ECE1: variants seen among roughly 807,000 people sequenced by gnomAD.
ECE1 encodes the protein endothelin-converting enzyme 1.
A neutral mutation model predicts 98.6 loss-of-function variants in ECE1; 35 were observed. The ratio of observed to expected loss-of-function variants is 0.35; its 90% CI spans 0.27 to 0.47. The LOEUF (loss-of-function observed/expected upper bound fraction) is 0.47, where lower values mean the gene tolerates loss of function less well. Ranked by LOEUF, ECE1 falls within the 20% of genes least tolerant of loss-of-function variation. ECE1 has a pLI of 1.00. For missense variants in ECE1, 814 were observed against 1,025.3 expected (o/e 0.79, Z 2.81); for synonymous variants, 394 against 407.1 (o/e 0.97, Z 0.39).
chr1:21,283,352 C>T (rs2098257136), intron 2 of ECE1, among the ~76,000 whole-genome samples: 1 of 151,720 alleles, frequency 6.6e-6, no homozygotes, highest in African/African-American at 2.4e-5. Flanking sequence ...TTCACTGCAA[C>T]CTCTGTCTCC....
intron 1 of ECE1, among the ~76,000 whole-genome samples, chr1:21,311,491 A>G: frequency 8.2e-6 from 1 of 122,148 alleles, no homozygotes; most frequent in African/African-American, 3.3e-5. Context: ...TGGGGAACAT[A>G]GTGAGACCCT....
At chr1:21,256,293 C>T (rs548830018) in intron 7 of ECE1, among the ~76,000 whole-genome samples, 155 bp from the exon 8 acceptor site, 3 of 152,204 alleles carry the variant, frequency 2.0e-5, no homozygotes, top group South Asian at 2.1e-4. Flanking sequence ...TGGTGGCTCA[C>T]GCCTGTAATC....
At chr1:21,328,859 G>A (rs1362639008) in intron 1 of ECE1, among the ~76,000 whole-genome samples, 1 of 151,986 alleles carries the variant, frequency 6.6e-6, no homozygotes, top group Non-Finnish European at 1.5e-5. Context: ...GGCTGCTGAG[G>A]GTCTGCTTTC....
At chr1:21,323,819 CTT>C (rs34050500) in intron 1 of ECE1, among the ~76,000 whole-genome samples, 15 of 133,830 alleles carry the variant, frequency 1.1e-4, no homozygotes, top group Admixed American at 1.5e-4. Flanking sequence ...AATTTTCTTT[CTT>C]TTTTTTTTTT....
intron 1 of ECE1, among the ~76,000 whole-genome samples, chr1:21,325,909 C>T (rs1639068871): frequency 6.6e-6 from 1 of 152,178 alleles, no homozygotes; most frequent in African/African-American, 2.4e-5. Context: ...GGCTGCTCTC[C>T]GAAGCTGCCG....
intron 4 of ECE1, among the ~76,000 whole-genome samples, chr1:21,263,325 C>T (rs1225052857): frequency 6.6e-6 from 1 of 151,908 alleles, no homozygotes; most frequent in African/African-American, 2.4e-5. Flanking sequence ...GGTGATGAGG[C>T]CGGATGCCCA....
At position 21,220,007 on chromosome 1, in the gene ECE1, C is replaced by T. The variant is rs374518508; in HGVS notation, c.2261G>A (p.Arg754His). The change falls in exon 19 of 19, where the codon CGC (arginine) becomes CAC (histidine). Residue 754 changes from arginine to histidine, a missense_variant. This residue lies in a region of ECE1 where 452 missense variants were observed against 567.3 expected (regional missense o/e 0.80). Transcript: ENST00000374893. This position sits in a 1 kb window ranked among gnomAD's most constrained non-coding sequence, Gnocchi z 5.0. Reference protein sequence around the residue: ...SNSKEFSEHFRCPPGSPMNPP... With the variant: ...SNSKEFSEHFHCPPGSPMNPP... ...GTTCATGGGTGAGCCAGGTGGGCAG[C>T]GGAAGTGTTCTGAGAACTCCTTGGA... The T allele has an allele frequency of 8.7e-6, 14 of 1,614,052 alleles. No individual in the cohort carries two copies. Among genetic ancestry groups the T allele is most frequent in the African/African-American group, 5.3e-5 (4 of 74,924 alleles).
rs772546036 is a variant in ECE1 at position 21,279,245 on chromosome 1, G to C, written c.226C>G (p.Leu76Val). Residue 76 changes from leucine to valine, a missense_variant, in exon 3 of 19, where the codon CTG becomes GTG. Around this residue, in one of 3 missense-constraint regions of ECE1, gnomAD observed 257 missense variants for 278.9 expected, o/e 0.92. Transcript: ENST00000374893. ...AAGCAGGCCACCAGTCCTGCCGCCA[G>C]AAGTACCACCAACACCACCAGCCGC... Reference protein sequence around the residue: ...EKRLVVLVVLLAAGLVACLAA... With the variant: ...EKRLVVLVVLVAAGLVACLAA... 3.1e-6 allele frequency: 5 copies of C among 1,614,210 alleles called. No homozygotes were observed. The Admixed American group carries it at 8.3e-5, about 27-fold the overall frequency.
At chr1:21,318,953 G>A (rs925367892) in intron 1 of ECE1, among the ~76,000 whole-genome samples, 3 of 152,224 alleles carry the variant, frequency 2.0e-5, no homozygotes, top group South Asian at 4.1e-4. Context: ...AAATGCTTCC[G>A]TAAACTCACC....
In ECE1 at chr1:21,234,547, C is replaced by T. The variant is rs147745427; in HGVS notation, c.1567-886G>A. Among the ~76,000 whole-genome samples, 857 of 151,994 alleles carry T rather than the reference C, an allele frequency of 5.6e-3. 6 individuals carry two copies. Among genetic ancestry groups the T allele is most frequent in the Non-Finnish European group, 9.2e-3 (625 of 67,986 alleles). ...ACGCTGGAGTGCAGTGGTGCAATCA[C>T]AGCTTGCTGCAGCCTTGTCTTCTTG... On this transcript the variant is annotated intron_variant, in intron 13 of 18. Coordinates refer to ENST00000374893, the MANE Select transcript of ECE1 (RefSeq NM_001397.3).
At chr1:21,276,399 G>A (rs1245063541) in intron 3 of ECE1, among the ~76,000 whole-genome samples, 2 of 152,160 alleles carry the variant, frequency 1.3e-5, no homozygotes, top group Non-Finnish European at 2.9e-5. Context: ...ACCTGCAGAG[G>A]CAGCAAACAT....
chr1:21,226,038 T>C (rs1404024852), intron 16 of ECE1, among the ~76,000 whole-genome samples: 2 of 152,094 alleles, frequency 1.3e-5, no homozygotes, highest in Non-Finnish European at 2.9e-5. Flanking sequence ...GAGTAACAGA[T>C]GCCTAGGAAG....
intron 1 of ECE1, among the ~76,000 whole-genome samples, chr1:21,333,699 T>A (rs1308918260): frequency 6.6e-6 from 1 of 152,122 alleles, no homozygotes; most frequent in Non-Finnish European, 1.5e-5. Flanking sequence ...CCAGGCATGG[T>A]GGCACCTGCC....
At position 21,256,256 on chromosome 1, in the gene ECE1, C is replaced by T. The variant is rs563193300; in HGVS notation, c.829-118G>A. ...CAGGGAGCCAGGGGGCTGCACAGTG[C>T]CCCCAAGACACCCGTGGGGCCAGGT... On this transcript the variant is annotated intron_variant, in intron 7 of 18. Coordinates refer to ENST00000374893, the MANE Select transcript of ECE1 (RefSeq NM_001397.3). 7.0e-5 allele frequency: 84 copies of T among 1,193,008 alleles called. No individual in the cohort carries two copies. The African/African-American group carries it at 1.1e-3, about 16-fold the overall frequency. 73.9% of individuals were successfully genotyped at this position (1,193,008 alleles called of 1,614,324 possible). A position where few individuals can be genotyped will look rare whatever the true frequency, so the allele number is the denominator to read the frequency against.
At chr1:21,330,163 A>T (rs1177760533) in intron 1 of ECE1, among the ~76,000 whole-genome samples, 1 of 130,982 alleles carries the variant, frequency 7.6e-6, no homozygotes, top group Non-Finnish European at 1.6e-5. Context: ...TTTTTGAGAC[A>T]GAGTCTCCCA....
chr1:21,239,470 C>G (rs2098193007), intron 10 of ECE1, among the ~76,000 whole-genome samples: 1 of 152,210 alleles, frequency 6.6e-6, no homozygotes, highest in South Asian at 2.1e-4. Context: ...TGACAACAGC[C>G]AAAATGCCCA....
In ECE1 at chr1:21,258,584, C is replaced by T. The variant is rs928948420; in HGVS notation, c.762+109G>A. ...AACCCAGGCTCAGAAACTAGAAGAC[C>T]GCCGTCCCACCCAGGGCAAGCCCCT... is the stretch of plus-strand genomic sequence containing the variant. On this transcript the variant is annotated intron_variant, in intron 6 of 18. Transcript: ENST00000374893. This position sits in a 1 kb window ranked among gnomAD's most constrained non-coding sequence, Gnocchi z 4.2. 9.4e-6 allele frequency: 14 copies of T among 1,491,820 alleles called. No individual in the cohort carries two copies. The Admixed American group carries it at 1.4e-4, about 15-fold the overall frequency. The allele number at this position is 1,491,820 out of a possible 1,614,324, so 92.4% of individuals were successfully genotyped here.
At chr1:21,255,248 G>A (rs1387495139) in intron 8 of ECE1, among the ~76,000 whole-genome samples, 2 of 152,206 alleles carry the variant, frequency 1.3e-5, no homozygotes, top group Non-Finnish European at 2.9e-5. Context: ...GCCTGGCCAC[G>A]CATTCCTGGG....
At chr1:21,317,735 C>T (rs1260158406) in intron 1 of ECE1, among the ~76,000 whole-genome samples, 3 of 152,236 alleles carry the variant, frequency 2.0e-5, no homozygotes, top group Non-Finnish European at 4.4e-5. Flanking sequence ...TGCTCCCCAA[C>T]TCAAGGTGGG....
Sources: gnomAD v4.1 joint callset for allele counts (sites outside exome capture counted in the v4.1 genomes callset) on GRCh38, gnomAD v4.1.1 for gene constraint, gnomAD v4.1.1 regional missense constraint, Gnocchi (gnomAD v3.1) non-coding constraint, MANE v1.5 for transcripts, NCBI Gene and HGNC (gene_info 2026-07-23, HGNC 2026-07-21) for gene names.